The following NHS variants were observed in gnomAD, a reference collection of about 807,000 sequenced individuals.
The protein encoded by NHS is NHS actin remodeling regulator.
Under a neutral mutation model 72.5 loss-of-function variants are expected in NHS, and 5 were observed. The ratio of observed to expected loss-of-function variants is 0.07; its 90% CI spans 0.04 to 0.14. NHS has a LOEUF of 0.14. NHS is among the 10% of genes least tolerant of loss of function. The probability of loss-of-function intolerance (pLI) is 1.00; values close to 1 mark genes in which losing one functional copy is unlikely to be tolerated. For synonymous variants in NHS, 464 were observed against 547.7 expected, an observed-to-expected ratio of 0.85 and a Z score of 2.13; for missense variants, 1,072 against 1,355.7, an observed-to-expected ratio of 0.79 and a Z score of 3.29.
At chrX:17,535,110 G>A (rs763682921) in intron 1 of NHS, among the ~76,000 whole-genome samples, 5 of 111,880 alleles carry the variant, frequency 4.5e-5, no homozygotes, top group Non-Finnish European at 9.4e-5. Context: ...TACCTTTATA[G>A]CTTCCTTCCC....
In NHS at chrX:17,531,946, A is replaced by G. The variant is rs1340383393; in HGVS notation, c.565+155624A>G. ...TATGCAGTTATATATCCAAAGTGTG[A>G]CAATTGGATTAATGCGTGTCTCTCC... On this transcript the variant is annotated intron_variant, in intron 1 of 8. Coordinates refer to ENST00000676302, the MANE Select transcript of NHS (RefSeq NM_001291867.2). Among the ~76,000 whole-genome samples the G allele has an allele frequency of 3.6e-5, 4 of 111,628 alleles. No individual in the cohort carries two copies. In the Admixed American group the frequency reaches 3.8e-4, roughly 11 times the overall value.
rs139037690 is a variant in NHS, at chrX:17,726,340, C to T, written c.2234C>T (p.Ala745Val). ...GATTTTAGTCCTGAGCGTCCCAAGG[C>T]AGACAGCCTGGGCTGCCCAAGCTTC... ...RQDFSPERPK[A>V]DSLGCPSFTS... Residue 745 changes from alanine (A) to valine (V), a missense_variant, in exon 7 of 9, where the codon GCA becomes GTA. Coordinates refer to ENST00000676302, the MANE Select transcript of NHS (RefSeq NM_001291867.2). 2.1e-5 allele frequency: 26 copies of T among 1,210,692 alleles called. No homozygotes were observed. The highest frequency in any genetic ancestry group is 2.9e-5 in the Non-Finnish European group (26 of 895,378).
At chrX:17,669,009 C>A (rs1369492311) in intron 1 of NHS, among the ~76,000 whole-genome samples, 1 of 112,061 alleles carries the variant, frequency 8.9e-6, no homozygotes, top group African/African-American at 3.2e-5. Context: ...TGAGAAGCAG[C>A]CTTCTGACTG....
intron 1 of NHS, among the ~76,000 whole-genome samples, chrX:17,402,270 T>C (rs768686517): frequency 1.4e-4 from 16 of 112,101 alleles, no homozygotes; most frequent in Admixed American, 1.3e-3. Context: ...ATGTTAAATG[T>C]AGAGTTACCA....
At chrX:17,613,009 T>C (rs1434813542) in intron 1 of NHS, among the ~76,000 whole-genome samples, 1 of 53,321 alleles carries the variant, frequency 1.9e-5, no homozygotes, top group Admixed American at 3.0e-4. Context: ...TAATTGCTGT[T>C]TTCATCACTT....
In NHS at chrX:17,558,191, G is replaced by A. The variant is rs191265468; in HGVS notation, c.566-129551G>A. The stretch of plus-strand genomic sequence containing the variant: ...TTTAAGAGAAAAAACATATTTAAAG[G>A]TGAATTAGAACTGATTCCTGGCGTT... On this transcript the variant is annotated intron_variant, in intron 1 of 8. Coordinates refer to ENST00000676302, the MANE Select transcript of NHS (RefSeq NM_001291867.2). 4.5e-5 allele frequency among the ~76,000 whole-genome samples: 5 copies of A among 111,542 alleles called. No individual in the cohort carries two copies. The East Asian group carries it at 8.5e-4, about 19-fold the overall frequency.
At chrX:17,627,030 C>A (rs2065800858) in intron 1 of NHS, among the ~76,000 whole-genome samples, 1 of 112,016 alleles carries the variant, frequency 8.9e-6, no homozygotes. Context: ...ATTGAATGGG[C>A]AAATGAGAAA....
intron 3 of NHS, among the ~76,000 whole-genome samples, chrX:17,701,131 T>C (rs1162234356): frequency 5.3e-5 from 6 of 112,197 alleles, no homozygotes; most frequent in African/African-American, 1.9e-4. Context: ...GGCTCTACCA[T>C]ATAGCCTAGG....
At chrX:17,661,717 G>T (rs1465881854) in intron 1 of NHS, among the ~76,000 whole-genome samples, 1 of 111,619 alleles carries the variant, frequency 9.0e-6, no homozygotes, top group Non-Finnish European at 1.9e-5. Flanking sequence ...TCTTCATCAG[G>T]GCTCAAGCAC....
chrX:17,519,448 C>G lies in NHS; in HGVS notation c.565+143126C>G, dbSNP rs113704586. Among the ~76,000 whole-genome samples, 836 of 111,773 alleles carry G rather than the reference C, an allele frequency of 7.5e-3. 8 individuals carry two copies. Among genetic ancestry groups the G allele is most frequent in the African/African-American group, 0.026 (798 of 30,748 alleles). The stretch of plus-strand genomic sequence containing the variant: ...TGTGTCTTTCCATTGTTTTGCGGCC[C>G]ATTTTAGTTTCCAATATGAATGAGC... On this transcript the variant is annotated intron_variant, in intron 1 of 8. Transcript: ENST00000676302.
chrX:17,732,847 G>C lies in NHS; in HGVS notation c.*383G>C. Reference sequence around the variant, plus strand: ...TCTTTAAGAAGATGAAATTACTCTGGATGTTTGGTATTTTTTTACATTAAA... The same window carrying C: ...TCTTTAAGAAGATGAAATTACTCTGCATGTTTGGTATTTTTTTACATTAAA... On this transcript the variant is annotated 3_prime_UTR_variant, in exon 9 of 9. Transcript: ENST00000676302. 5.5e-6 allele frequency: 1 copy of C among 182,756 alleles called. No individual in the cohort carries two copies. The highest frequency in any genetic ancestry group is 1.0e-5 in the Non-Finnish European group (1 of 97,465). The allele number at this position is 182,756 out of a possible 1,213,427, so 15.1% of individuals were successfully genotyped here.
At chrX:17,662,903 G>C (rs1358368497) in intron 1 of NHS, among the ~76,000 whole-genome samples, 1 of 111,997 alleles carries the variant, frequency 8.9e-6, no homozygotes, top group African/African-American at 3.2e-5. Flanking sequence ...GAAGCAAAAT[G>C]TCTTAGATAT....
intron 1 of NHS, among the ~76,000 whole-genome samples, chrX:17,392,375 C>T (rs1336122124): frequency 1.8e-5 from 2 of 112,241 alleles, no homozygotes; most frequent in Admixed American, 1.9e-4. Flanking sequence ...AGCAGTTAGC[C>T]AACCATGACT....
chrX:17,512,877 G>T (rs1033190556), intron 1 of NHS, among the ~76,000 whole-genome samples: 3 of 111,710 alleles, frequency 2.7e-5, no homozygotes, highest in Non-Finnish European at 3.8e-5. Context: ...AGGCTGATAA[G>T]CAAAACACAA....
chrX:17,563,683 G>A (rs73636659), intron 1 of NHS, among the ~76,000 whole-genome samples: 1 of 111,020 alleles, frequency 9.0e-6, no homozygotes, highest in Admixed American at 9.5e-5. Context: ...GATCAGTCAC[G>A]CAAGAAGATT....
At chrX:17,485,419 C>G (rs969544840) in intron 1 of NHS, among the ~76,000 whole-genome samples, 18 of 112,525 alleles carry the variant, frequency 1.6e-4, no homozygotes, top group Middle Eastern at 4.6e-3. Context: ...AGACTAAACC[C>G]TTTCTTTATC....
intron 1 of NHS, among the ~76,000 whole-genome samples, chrX:17,456,301 G>A (rs892902607): frequency 9.0e-6 from 1 of 111,502 alleles, no homozygotes; most frequent in Non-Finnish European, 1.9e-5. Context: ...AGAAGAGTCT[G>A]GGTTATTGGT....
At chrX:17,519,021 G>C (rs1431005602) in intron 1 of NHS, among the ~76,000 whole-genome samples, 1 of 111,710 alleles carries the variant, frequency 9.0e-6, no homozygotes, top group African/African-American at 3.3e-5. Context: ...GTGATAATTA[G>C]AGGAGGGTGA....
chrX:17,528,734 A>T (rs1331827533), intron 1 of NHS: 3 of 111,544 alleles, frequency 2.7e-5, no homozygotes, highest in Non-Finnish European at 3.8e-5. Flanking sequence ...ATAAATTAAG[A>T]CACCCACACT....
Sources: allele counts gnomAD v4.1 joint callset (sites outside exome capture counted in the v4.1 genomes callset), GRCh38; gene constraint gnomAD v4.1.1; transcripts MANE v1.5; gene names NCBI Gene and HGNC (gene_info 2026-07-23, HGNC 2026-07-21).